DOCK1: variants seen among roughly 807,000 people sequenced by gnomAD.
The protein encoded by DOCK1 is dedicator of cytokinesis protein 1.
DOCK1 carries 138 observed loss-of-function variants against 262.7 expected under a neutral mutation model. That is an observed-to-expected ratio of 0.53 (90% CI 0.46 to 0.61). DOCK1 has a LOEUF of 0.61. DOCK1 is among the 20% of genes least tolerant of loss of function. The pLI is 0.00. For missense variants in DOCK1, 1,908 were observed against 2,370.7 expected (o/e 0.80, Z 4.05); for synonymous variants, 866 against 867.4 (o/e 1.00, Z 0.03).
At chr10:127,097,192 G>GTTTCTTC (rs2047961956) in intron 23 of DOCK1, among the ~76,000 whole-genome samples, 1 of 152,100 alleles carries the variant, frequency 6.6e-6, no homozygotes, top group Non-Finnish European at 1.5e-5. Flanking sequence ...GCCCTTTCCT[G>GTTTCTTC]TTTCTTCTTT....
chr10:126,916,714 T>C (rs1303637910), intron 1 of DOCK1, among the ~76,000 whole-genome samples: 2 of 150,530 alleles, frequency 1.3e-5, no homozygotes, highest in African/African-American at 4.9e-5. Context: ...TCCTTCCTTC[T>C]ACCCCTCCTT....
intron 2 of DOCK1, 147 bp from the exon 3 acceptor site, chr10:126,977,801 T>A: frequency 1.3e-6 from 1 of 777,784 alleles, no homozygotes; most frequent in Admixed American, 2.2e-5. Context: ...GTAGTATATC[T>A]CCAAAGCCTT....
intron 29 of DOCK1, among the ~76,000 whole-genome samples, chr10:127,299,929 T>C (rs995281727): frequency 2.4e-4 from 36 of 152,316 alleles, no homozygotes; most frequent in African/African-American, 8.7e-4. Flanking sequence ...AAGAAAAGTA[T>C]TCCTGCAAAG....
intron 47 of DOCK1, among the ~76,000 whole-genome samples, chr10:127,426,219 G>A (rs1201253085): frequency 6.6e-6 from 1 of 152,172 alleles, no homozygotes; most frequent in South Asian, 2.1e-4. Context: ...ATGTCAGGGC[G>A]AATAAACATT....
intron 49 of DOCK1, among the ~76,000 whole-genome samples, chr10:127,443,031 G>A (rs1481364778): frequency 6.6e-6 from 1 of 152,186 alleles, no homozygotes; most frequent in African/African-American, 2.4e-5. Context: ...AGAGGCGTCG[G>A]CAGGGCTGAT....
Position 127,022,080 on chromosome 10 carries a change from C to G in DOCK1, c.1328-1120C>G, listed in dbSNP as rs994858989. 1.7e-4 allele frequency among the ~76,000 whole-genome samples: 26 copies of G among 152,106 alleles called. No homozygotes were observed. The East Asian group carries it at 4.1e-3, about 24-fold the overall frequency. ...TGAAGTTCTCCCAGTTGGGCCATTA[C>G]CAGGGGCTTCCTATGTTCTCAGTAG... On this transcript the variant is annotated intron_variant, in intron 13 of 51. Coordinates refer to ENST00000623213, the MANE Select transcript of DOCK1 (RefSeq NM_001290223.2).
chr10:127,119,151 C>T (rs1460905159), intron 25 of DOCK1, among the ~76,000 whole-genome samples: 1 of 151,888 alleles, frequency 6.6e-6, no homozygotes, highest in Non-Finnish European at 1.5e-5. Flanking sequence ...TCACGCCATT[C>T]TTCTGCCTCA....
intron 23 of DOCK1, among the ~76,000 whole-genome samples, chr10:127,087,769 T>C (rs1255025779): frequency 6.6e-6 from 1 of 152,182 alleles, no homozygotes; most frequent in African/African-American, 2.4e-5. Context: ...AATAATTTGG[T>C]ATTAATTGGT....
intron 27 of DOCK1, chr10:127,135,678 AG>A (rs1751943559): frequency 2.0e-5 from 3 of 152,630 alleles, no homozygotes; most frequent in African/African-American, 7.2e-5. Context: ...TTTAATTTTT[AG>A]GGATGAATTA....
intron 21 of DOCK1, among the ~76,000 whole-genome samples, chr10:127,051,834 T>G (rs987125870): frequency 2.6e-5 from 4 of 152,162 alleles, no homozygotes; most frequent in African/African-American, 9.7e-5. Flanking sequence ...TCACCTGCCT[T>G]GGCCTCCCAA....
chr10:126,948,922 T>A lies in DOCK1; in HGVS notation c.47-21780T>A, dbSNP rs1042445943. Reference sequence around the variant, plus strand: ...TTGCGTGAGAAGGCAGGTCTGGAGCTGGTTGTATGCCTGGGCCCCGCAAGC... The same window carrying A: ...TTGCGTGAGAAGGCAGGTCTGGAGCAGGTTGTATGCCTGGGCCCCGCAAGC... On this transcript the variant is annotated intron_variant, in intron 1 of 51. Transcript: ENST00000623213. 9.6e-3 allele frequency among the ~76,000 whole-genome samples: 1,461 copies of A among 152,230 alleles called. 16 individuals are homozygous for A. Among genetic ancestry groups the A allele is most frequent in the Middle Eastern group, 0.037 (11 of 294 alleles).
At chr10:126,917,202 G>A (rs1564980955) in intron 1 of DOCK1, among the ~76,000 whole-genome samples, 1 of 152,242 alleles carries the variant, frequency 6.6e-6, no homozygotes, top group African/African-American at 2.4e-5. Context: ...AACATTCACA[G>A]CACGAGGGAA....
chr10:127,031,186 C>T (rs916348364), intron 16 of DOCK1, among the ~76,000 whole-genome samples: 4 of 152,228 alleles, frequency 2.6e-5, no homozygotes, highest in Admixed American at 6.5e-5. Context: ...CCTTCCCAGC[C>T]TCTGTCGTTT....
chr10:127,028,705 G>C (rs1423288388), intron 16 of DOCK1, among the ~76,000 whole-genome samples: 1 of 152,228 alleles, frequency 6.6e-6, no homozygotes, highest in East Asian at 1.9e-4. Flanking sequence ...GTTGAGGTTT[G>C]AGATTAGTTT....
At chr10:127,354,105 C>T (rs1002592628) in intron 31 of DOCK1, among the ~76,000 whole-genome samples, 8 of 151,998 alleles carry the variant, frequency 5.3e-5, no homozygotes, top group African/African-American at 1.9e-4. Flanking sequence ...AAACACACAC[C>T]TCCTCTATGC....
intron 38 of DOCK1, among the ~76,000 whole-genome samples, chr10:127,402,366 G>A (rs1330938971): frequency 6.6e-6 from 1 of 152,056 alleles, no homozygotes; most frequent in African/African-American, 2.4e-5. Flanking sequence ...TTTTTCCCAA[G>A]AAAAATAAGG....
chr10:126,984,152 G>A (rs1191902533), intron 4 of DOCK1, among the ~76,000 whole-genome samples: 1 of 151,828 alleles, frequency 6.6e-6, no homozygotes, highest in Non-Finnish European at 1.5e-5. Flanking sequence ...GGCCTCTGTT[G>A]CGTTTCCCTC....
chr10:127,258,790 C>T (rs968772026), intron 29 of DOCK1, among the ~76,000 whole-genome samples: 1 of 152,214 alleles, frequency 6.6e-6, no homozygotes, highest in African/African-American at 2.4e-5. Flanking sequence ...CAGCCTTTGC[C>T]GTTGACACTG....
intron 14 of DOCK1, among the ~76,000 whole-genome samples, chr10:127,024,017 C>T (rs1308529160): frequency 1.3e-5 from 2 of 152,186 alleles, no homozygotes; most frequent in African/African-American, 4.8e-5. Flanking sequence ...GTGGCCACAG[C>T]AGCCTGCAGG....
Sources: gnomAD v4.1 joint callset for allele counts (sites outside exome capture counted in the v4.1 genomes callset) on GRCh38, gnomAD v4.1.1 for gene constraint, MANE v1.5 for transcripts, NCBI Gene and HGNC (gene_info 2026-07-23, HGNC 2026-07-21) for gene names.